Variants in UNC5C observed in about 807,000 individuals in gnomAD.
UNC5C encodes unc-5 netrin receptor C, also known as netrin receptor UNC5C.
In UNC5C, 47 loss-of-function variants were observed where a neutral mutation model predicts 99.8. The ratio of observed to expected loss-of-function variants is 0.47; its 90% CI spans 0.37 to 0.60. The LOEUF (loss-of-function observed/expected upper bound fraction) is 0.60, where lower values mean the gene tolerates loss of function less well. UNC5C is among the 20% of genes least tolerant of loss of function. The pLI, the probability that UNC5C is intolerant of heterozygous loss-of-function variation, is 0.00. For missense variants in UNC5C, 1,062 were observed against 1,165.9 expected (o/e 0.91, Z 1.30); for synonymous variants, 487 against 452.2 (o/e 1.08, Z -0.98).
chr4:95,395,078 T>A (rs953016671), intron 1 of UNC5C, among the ~76,000 whole-genome samples: 2 of 152,142 alleles, frequency 1.3e-5, no homozygotes, highest in Non-Finnish European at 2.9e-5. Context: ...AGGAGGGAAA[T>A]GATATGGTGG....
intron 1 of UNC5C, among the ~76,000 whole-genome samples, chr4:95,544,414 T>A (rs1241465086): frequency 2.0e-5 from 3 of 152,192 alleles, no homozygotes; most frequent in African/African-American, 7.2e-5. Context: ...TTCTTCTGTG[T>A]AGAAATTTTA....
chr4:95,225,433 T>C (rs1738647963), intron 7 of UNC5C, among the ~76,000 whole-genome samples: 1 of 152,148 alleles, frequency 6.6e-6, no homozygotes, highest in African/African-American at 2.4e-5. Context: ...AAAATCACTT[T>C]GGTTTCTATA....
At chr4:95,508,411 A>T (rs1431061523) in intron 1 of UNC5C, among the ~76,000 whole-genome samples, 1 of 151,948 alleles carries the variant, frequency 6.6e-6, no homozygotes, top group Non-Finnish European at 1.5e-5. Flanking sequence ...CTTGTACATT[A>T]TATGATAAAG....
intron 4 of UNC5C, among the ~76,000 whole-genome samples, chr4:95,256,714 A>ATATATATG (rs1553958338): frequency 1.2e-4 from 15 of 127,350 alleles, no homozygotes; most frequent in South Asian, 2.7e-4. Context: ...ATATATATAT[A>ATATATATG]TATATATGAG....
At chr4:95,317,213 G>A (rs1357166205) in intron 2 of UNC5C, among the ~76,000 whole-genome samples, 1 of 152,152 alleles carries the variant, frequency 6.6e-6, no homozygotes, top group African/African-American at 2.4e-5. Context: ...TAGCGCTCAT[G>A]CAAAATTGAA....
At chr4:95,521,369 C>A (rs551430910) in intron 1 of UNC5C, among the ~76,000 whole-genome samples, 1 of 151,926 alleles carries the variant, frequency 6.6e-6, no homozygotes, top group South Asian at 2.1e-4. Flanking sequence ...CAGGCATGTG[C>A]CACCATGCCT....
chr4:95,401,372 C>T (rs1210993024), intron 1 of UNC5C, among the ~76,000 whole-genome samples: 1 of 152,058 alleles, frequency 6.6e-6, no homozygotes, highest in African/African-American at 2.4e-5. Context: ...GATGATGGCT[C>T]ACTGCAGCAG....
intron 1 of UNC5C, among the ~76,000 whole-genome samples, chr4:95,486,921 T>A (rs1560852780): frequency 6.6e-6 from 1 of 151,704 alleles, no homozygotes; most frequent in Non-Finnish European, 1.5e-5. Flanking sequence ...GGTATTTAGG[T>A]CATCAGGGCT....
At chr4:95,541,483 A>G (rs17386576) in intron 1 of UNC5C, among the ~76,000 whole-genome samples, 59,174 of 151,990 alleles carry the variant, frequency 0.39, 13,166 homozygotes, top group Middle Eastern at 0.53. Context: ...AATTTCTTTT[A>G]CTTGTAATTA....
chr4:95,258,681 C>G (rs552124579), intron 4 of UNC5C, among the ~76,000 whole-genome samples: 1 of 151,046 alleles, frequency 6.6e-6, no homozygotes, highest in South Asian at 2.1e-4. Flanking sequence ...TTAGAATGAC[C>G]TGTTTGCCTA....
chr4:95,320,501 G>A (rs1742648294), intron 2 of UNC5C, among the ~76,000 whole-genome samples: 1 of 151,690 alleles, frequency 6.6e-6, no homozygotes, highest in Admixed American at 6.6e-5. Flanking sequence ...TTTAGCCAAA[G>A]GTTAGATTAA....
At chr4:95,245,648 TAA>T (rs1739477007) in intron 5 of UNC5C, among the ~76,000 whole-genome samples, 1 of 152,202 alleles carries the variant, frequency 6.6e-6, no homozygotes. Context: ...TGAACCTGGT[TAA>T]AAAATAAAAT....
intron 1 of UNC5C, among the ~76,000 whole-genome samples, chr4:95,467,178 G>C (rs967989272): frequency 1.3e-5 from 2 of 152,186 alleles, no homozygotes; most frequent in African/African-American, 2.4e-5. Flanking sequence ...TTCTGAGCTA[G>C]AGCCAACTAT....
At chr4:95,206,901 T>TC in intron 10 of UNC5C, 105 bp from the exon 11 acceptor site, 1 of 849,138 alleles carries the variant, frequency 1.2e-6, no homozygotes, top group Non-Finnish European at 1.6e-6. Flanking sequence ...CTCCTGGAAT[T>TC]CTTTTTTTTT....
chr4:95,411,552 T>A (rs1745994792), intron 1 of UNC5C, among the ~76,000 whole-genome samples: 1 of 152,250 alleles, frequency 6.6e-6, no homozygotes, highest in African/African-American at 2.4e-5. Flanking sequence ...ATGTTTAGCA[T>A]CAGGCTGTTT....
At chr4:95,317,187 C>T (rs531341328) in intron 2 of UNC5C, among the ~76,000 whole-genome samples, 1 of 152,256 alleles carries the variant, frequency 6.6e-6, no homozygotes, top group Admixed American at 6.5e-5. Flanking sequence ...TGGGTAATGT[C>T]TCCCAGTGCC....
intron 1 of UNC5C, among the ~76,000 whole-genome samples, chr4:95,379,851 C>T (rs76859918): frequency 0.013 from 1,917 of 152,152 alleles, 33 homozygotes; most frequent in African/African-American, 0.044. Context: ...AAGATGGCTG[C>T]GCTGCCTCAG....
chr4:95,510,599 T>G (rs1050117893), intron 1 of UNC5C, among the ~76,000 whole-genome samples: 1 of 152,120 alleles, frequency 6.6e-6, no homozygotes, highest in Admixed American at 6.6e-5. Flanking sequence ...CCTTTAATGT[T>G]ATTTAGTCCT....
chr4:95,179,629 C>T (rs2149348765), intron 14 of UNC5C, among the ~76,000 whole-genome samples: 1 of 151,924 alleles, frequency 6.6e-6, no homozygotes, highest in Non-Finnish European at 1.5e-5. Flanking sequence ...TGCCTGTGAT[C>T]CCAGCTACTC....
Sources: gnomAD v4.1 joint callset for allele counts (sites outside exome capture counted in the v4.1 genomes callset) on GRCh38, gnomAD v4.1.1 for gene constraint, MANE v1.5 for transcripts, NCBI Gene and HGNC (gene_info 2026-07-23, HGNC 2026-07-21) for gene names.